The following MAMDC2 variants were observed in gnomAD, a reference collection of about 807,000 sequenced individuals.
The protein encoded by MAMDC2 is MAM domain-containing protein 2.
A neutral mutation model predicts 89.8 loss-of-function variants in MAMDC2; 57 were observed. The observed-to-expected ratio is 0.63, with a 90% CI of 0.51 to 0.79. The LOEUF (loss-of-function observed/expected upper bound fraction) is 0.79. Ranked by LOEUF, MAMDC2 falls within the 30% of genes least tolerant of loss-of-function variation. The pLI is 0.00. For synonymous variants in MAMDC2, 313 were observed against 293.4 expected, an observed-to-expected ratio of 1.07 and a Z score of -0.68; for missense variants, 800 against 820.6, an observed-to-expected ratio of 0.97 and a Z score of 0.31.
intron 11 of MAMDC2, chr9:70,171,872 A>G (rs1434502882): frequency 6.6e-6 from 1 of 152,204 alleles, no homozygotes; most frequent in Non-Finnish European, 1.5e-5. Context: ...TGTTTTAAGA[A>G]AGTTTACAAA....
chr9:70,059,255 G>C (rs1358338433), intron 2 of MAMDC2, among the ~76,000 whole-genome samples: 1 of 152,132 alleles, frequency 6.6e-6, no homozygotes, highest in East Asian at 1.9e-4. Context: ...TTTCCATCCT[G>C]TAGTGGGCAA....
At chr9:70,212,067 TG>T (rs954345228) in intron 11 of MAMDC2, among the ~76,000 whole-genome samples, 1 of 152,238 alleles carries the variant, frequency 6.6e-6, no homozygotes, top group African/African-American at 2.4e-5. Context: ...TTAGGCTACT[TG>T]GGGGTCAGGG....
At chr9:70,153,860 G>A (rs988659073) in intron 9 of MAMDC2, 11 of 151,786 alleles carry the variant, frequency 7.2e-5, no homozygotes, top group African/African-American at 2.2e-4. Context: ...CTTATGTCTC[G>A]TGGAGCACAA....
chr9:70,188,885 T>A (rs953631681), intron 11 of MAMDC2: 1 of 149,678 alleles, frequency 6.7e-6, no homozygotes, highest in Non-Finnish European at 1.5e-5. Flanking sequence ...GATTCAGGCA[T>A]GAGCCACCAC....
chr9:70,049,814 G>GGCTGT (rs1162325269), intron 2 of MAMDC2, among the ~76,000 whole-genome samples: 3 of 152,306 alleles, frequency 2.0e-5, no homozygotes, highest in Non-Finnish European at 4.4e-5. Context: ...GGTTGAGCAT[G>GGCTGT]GCTGTGCTGT....
chr9:70,046,800 C>T (rs536508074), intron 2 of MAMDC2, among the ~76,000 whole-genome samples: 3 of 152,318 alleles, frequency 2.0e-5, no homozygotes, highest in Admixed American at 6.5e-5. Flanking sequence ...GGTTGGCTGG[C>T]GGAAGTTAAT....
intron 2 of MAMDC2, among the ~76,000 whole-genome samples, chr9:70,074,548 A>T (rs138700246): frequency 1.3e-5 from 2 of 152,330 alleles, no homozygotes; most frequent in Non-Finnish European, 2.9e-5. Flanking sequence ...TGGGACAGCA[A>T]GACGGTAGGC....
At chr9:70,107,167 C>G (rs940938740) in intron 2 of MAMDC2, among the ~76,000 whole-genome samples, 1 of 151,722 alleles carries the variant, frequency 6.6e-6, no homozygotes, top group African/African-American at 2.4e-5. Context: ...CCCAAAGACC[C>G]ACAGGCAATT....
chr9:70,204,043 T>C (rs2033164209), intron 11 of MAMDC2, among the ~76,000 whole-genome samples: 1 of 151,372 alleles, frequency 6.6e-6, no homozygotes, highest in African/African-American at 2.4e-5. Context: ...TCTGAAGCCT[T>C]CTTCTCTCAG....
rs553150071 is a variant in MAMDC2 at position 70,108,513 on chromosome 9, C to A, written c.420+31C>A. 7 of 1,531,848 alleles carry A rather than the reference C, an allele frequency of 4.6e-6. No individual in the cohort carries two copies. In the South Asian group the frequency reaches 7.8e-5, roughly 17 times the overall value. 94.9% of individuals were successfully genotyped at this position (1,531,848 alleles called of 1,614,324 possible). A position where few individuals can be genotyped will look rare whatever the true frequency, so the allele number is the denominator to read the frequency against. On this transcript the variant is annotated intron_variant, in intron 3 of 13. Transcript: ENST00000377182. ...TGGAGTTTAGGAGAAAGATATAAGG[C>A]CTATTATCTTTGCTTTATACTATTC...
At chr9:70,154,577 T>C (rs1056510535) in intron 9 of MAMDC2, among the ~76,000 whole-genome samples, 1 of 147,376 alleles carries the variant, frequency 6.8e-6, no homozygotes, top group Non-Finnish European at 1.5e-5. Flanking sequence ...CAGGTTGGAA[T>C]GCAGTGGCAC....
At chr9:70,109,441 G>A (rs1364683818) in intron 3 of MAMDC2, 5 of 366,938 alleles carry the variant, frequency 1.4e-5, no homozygotes, top group Non-Finnish European at 2.4e-5. Context: ...AGCAAGAGAA[G>A]AAAAGACAGC....
intron 11 of MAMDC2, among the ~76,000 whole-genome samples, chr9:70,213,064 C>T (rs2118672860): frequency 6.6e-6 from 1 of 152,272 alleles, no homozygotes; most frequent in South Asian, 2.1e-4. Context: ...ATCGAATGAT[C>T]CTGGGGATAA....
At chr9:70,070,484 C>T (rs1224376445) in intron 2 of MAMDC2, among the ~76,000 whole-genome samples, 1 of 152,166 alleles carries the variant, frequency 6.6e-6, no homozygotes, top group African/African-American at 2.4e-5. Context: ...CAAAACCCCA[C>T]TCACTGCAAT....
rs564994037 is a variant in MAMDC2, at chr9:70,225,081, G to GT, written c.1912-667dup. ...GCCTCCCTGGACTATTCAGTAATTT[G>GT]TTAACCATTGTTGGGACAGCCTTAG... On this transcript the variant is annotated intron_variant, in intron 12 of 13. Transcript: ENST00000377182. Among the ~76,000 whole-genome samples, 82 of 152,218 alleles carry GT rather than the reference G, an allele frequency of 5.4e-4. No individual in the cohort carries two copies. The South Asian group carries it at 6.8e-3, about 13-fold the overall frequency.
intron 9 of MAMDC2, among the ~76,000 whole-genome samples, chr9:70,166,376 AG>A (rs149000479): frequency 0.013 from 1,936 of 151,396 alleles, 38 homozygotes; most frequent in African/African-American, 0.044. Flanking sequence ...TATAGAAAGA[AG>A]GGGGAAATTC....
chr9:70,221,367 A>ATGTT, intron 12 of MAMDC2, among the ~76,000 whole-genome samples: 1 of 39,490 alleles, frequency 2.5e-5, no homozygotes, highest in Non-Finnish European at 4.9e-5. Flanking sequence ...ATATATATAT[A>ATGTT]TATATATATA....
chr9:70,194,069 G>A (rs2032933267), intron 11 of MAMDC2: 1 of 152,036 alleles, frequency 6.6e-6, no homozygotes, highest in Admixed American at 6.6e-5. Context: ...CAATTCCAAG[G>A]GAGCTATAGT....
Position 70,071,171 on chromosome 9 carries a change from T to C in MAMDC2, c.148+26474T>C, listed in dbSNP as rs566508124. Among the ~76,000 whole-genome samples, 6 of 152,228 alleles carry C rather than the reference T, an allele frequency of 3.9e-5. No individual in the cohort carries two copies. The South Asian group carries it at 1.2e-3, about 32-fold the overall frequency. On this transcript the variant is annotated intron_variant, in intron 2 of 13. Coordinates refer to ENST00000377182, the MANE Select transcript of MAMDC2 (RefSeq NM_153267.5). The stretch of plus-strand genomic sequence containing the variant: ...ATTGTGTTGGGTTAATAGTGTGTGC[T>C]TTACCATATGTTTTAAGTATCTATT...
Sources: allele counts gnomAD v4.1 joint callset (sites outside exome capture counted in the v4.1 genomes callset), GRCh38; gene constraint gnomAD v4.1.1; transcripts MANE v1.5; gene names NCBI Gene and HGNC (gene_info 2026-07-23, HGNC 2026-07-21).